Variants in ANK3 observed in about 807,000 individuals in gnomAD.
The protein encoded by ANK3 is ankyrin 3.
In ANK3, 57 loss-of-function variants were observed where a neutral mutation model predicts 370.9. The observed-to-expected ratio is 0.15, with a 90% CI of 0.12 to 0.19. The LOEUF is 0.19. ANK3 is among the 10% of genes least tolerant of loss of function. ANK3 has a pLI of 1.00. For missense variants in ANK3, 4,439 were observed against 5,302.1 expected (o/e 0.84, Z 5.06); for synonymous variants, 1,929 against 1,946.3 (o/e 0.99, Z 0.23).
At chr10:60,480,326 C>T (rs899077169) in intron 2 of ANK3, among the ~76,000 whole-genome samples, 1 of 151,922 alleles carries the variant, frequency 6.6e-6, no homozygotes, top group South Asian at 2.1e-4. Flanking sequence ...TGGGCACAGA[C>T]GAATGCTTAC....
In ANK3 at chr10:60,072,303, C is replaced by T. The variant is rs960393863; in HGVS notation, c.8578G>A (p.Ala2860Thr). The part of the protein sequence containing the change: ...KVFRTWESSG[A>T]TNNKSQKEKL... The stretch of plus-strand genomic sequence containing the variant: ...TCTTTCTGAGACTTATTGTTAGTGG[C>T]TCCCGAACTCTCCCATGTTCTAAAG... The change falls in exon 37 of 44, where the codon GCC becomes ACC. Residue 2860 changes from alanine to threonine, a missense_variant. Coordinates refer to ENST00000280772, the MANE Select transcript of ANK3 (RefSeq NM_020987.5). 4.3e-6 allele frequency: 7 copies of T among 1,614,064 alleles called. No homozygotes were observed. Among genetic ancestry groups the T allele is most frequent in the Admixed American group, 1.7e-5 (1 of 60,006 alleles).
At chr10:60,345,913 C>T (rs1453345951) in intron 1 of ANK3, among the ~76,000 whole-genome samples, 3 of 151,924 alleles carry the variant, frequency 2.0e-5, no homozygotes, top group Admixed American at 1.3e-4. Flanking sequence ...GGGAAGATGC[C>T]AGGAAGTCTA....
intron 1 of ANK3, among the ~76,000 whole-genome samples, chr10:60,677,147 T>C (rs943947156): frequency 3.3e-5 from 5 of 152,164 alleles, no homozygotes; most frequent in African/African-American, 1.2e-4. Context: ...TTAAGTGGAA[T>C]AGTACAGTTA....
At chr10:60,721,851 C>G (rs562427678) in intron 1 of ANK3, among the ~76,000 whole-genome samples, 89 of 152,234 alleles carry the variant, frequency 5.8e-4, no homozygotes, top group Middle Eastern at 3.4e-3. Context: ...TTAATTGACA[C>G]CTTCATCATA....
At chr10:60,472,594 T>G (rs2065245545) in intron 2 of ANK3, among the ~76,000 whole-genome samples, 1 of 152,192 alleles carries the variant, frequency 6.6e-6, no homozygotes, top group South Asian at 2.1e-4. Flanking sequence ...TGAGATATAG[T>G]TGCAGCATTT....
chr10:60,723,791 A>G (rs1011212489), intron 1 of ANK3, among the ~76,000 whole-genome samples: 1 of 152,152 alleles, frequency 6.6e-6, no homozygotes, highest in Middle Eastern at 3.2e-3. Context: ...TCAGAATTAC[A>G]AACAGTGAGT....
chr10:60,532,036 A>G (rs951899112), intron 2 of ANK3, among the ~76,000 whole-genome samples: 4 of 152,144 alleles, frequency 2.6e-5, no homozygotes, highest in Admixed American at 2.0e-4. Context: ...GCCTCAGATT[A>G]GACTGAATTT....
chr10:60,357,394 A>G (rs2057928620), intron 1 of ANK3, among the ~76,000 whole-genome samples: 1 of 152,008 alleles, frequency 6.6e-6, no homozygotes, highest in African/African-American at 2.4e-5. Context: ...CCGCCTATCC[A>G]TCACCTCCCT....
chr10:60,445,044 T>C (rs1395402097), intron 2 of ANK3, among the ~76,000 whole-genome samples: 1 of 152,160 alleles, frequency 6.6e-6, no homozygotes, highest in Non-Finnish European at 1.5e-5. Flanking sequence ...ATAAACGATT[T>C]TGGAGTAATT....
At chr10:60,423,530 C>T (rs1241449608) in intron 2 of ANK3, among the ~76,000 whole-genome samples, 8 of 151,736 alleles carry the variant, frequency 5.3e-5, no homozygotes, top group African/African-American at 1.7e-4. Context: ...CTGTGGTTGT[C>T]ACTCTTCATT....
At chr10:60,332,780 T>C (rs2051699670) in intron 1 of ANK3, among the ~76,000 whole-genome samples, 1 of 152,216 alleles carries the variant, frequency 6.6e-6, no homozygotes, top group Non-Finnish European at 1.5e-5. Flanking sequence ...GCCTCTGAAA[T>C]TGCTGCTATG....
At chr10:60,396,388 A>T (rs1435177844) in intron 2 of ANK3, among the ~76,000 whole-genome samples, 2 of 152,208 alleles carry the variant, frequency 1.3e-5, no homozygotes, top group East Asian at 3.9e-4. Context: ...CTCTAAACCA[A>T]GAAATTCATT....
At chr10:60,556,329 T>C (rs943451598) in intron 2 of ANK3, among the ~76,000 whole-genome samples, 3 of 152,202 alleles carry the variant, frequency 2.0e-5, no homozygotes, top group African/African-American at 2.4e-5. Context: ...TACTGTTCTA[T>C]CTTATGCCCT....
chr10:60,425,197 G>A (rs1418198844), intron 2 of ANK3, among the ~76,000 whole-genome samples: 1 of 151,988 alleles, frequency 6.6e-6, no homozygotes, highest in African/African-American at 2.4e-5. Flanking sequence ...TTGTTCCCGT[G>A]GGCAAGTGAG....
intron 1 of ANK3, among the ~76,000 whole-genome samples, chr10:60,377,254 C>G (rs2060910797): frequency 6.6e-6 from 1 of 152,210 alleles, no homozygotes; most frequent in African/African-American, 2.4e-5. Flanking sequence ...TGTCCTGTCT[C>G]CTTCACCCCT....
chr10:60,077,126 C>A (rs1383183177), intron 36 of ANK3, among the ~76,000 whole-genome samples: 6 of 152,124 alleles, frequency 3.9e-5, no homozygotes, highest in Non-Finnish European at 7.4e-5. Flanking sequence ...CTCCCATGCA[C>A]AGTTCGGTTA....
At chr10:60,058,080 A>C (rs2079563250) in intron 41 of ANK3, among the ~76,000 whole-genome samples, 1 of 152,222 alleles carries the variant, frequency 6.6e-6, no homozygotes, top group African/African-American at 2.4e-5. Context: ...GTATGTAAAT[A>C]AAAATAATGC....
At chr10:60,422,889 GGAGAAA>G (rs2063806956) in intron 2 of ANK3, among the ~76,000 whole-genome samples, 1 of 151,950 alleles carries the variant, frequency 6.6e-6, no homozygotes, top group Admixed American at 6.6e-5. Context: ...TTATACATAC[GGAGAAA>G]ACAGAGTACA....
chr10:60,244,865 A>G (rs915066561), intron 7 of ANK3, among the ~76,000 whole-genome samples: 1 of 152,194 alleles, frequency 6.6e-6, no homozygotes, highest in Non-Finnish European at 1.5e-5. Context: ...GATAAATTCT[A>G]TTTAACAGTC....
Sources: allele counts gnomAD v4.1 joint callset (sites outside exome capture counted in the v4.1 genomes callset), GRCh38; gene constraint gnomAD v4.1.1; transcripts MANE v1.5; gene names NCBI Gene and HGNC (gene_info 2026-07-23, HGNC 2026-07-21).